VAT1L: variants seen among roughly 807,000 people sequenced by gnomAD.
VAT1L encodes vesicle amine transport 1 like.
In VAT1L, 34 loss-of-function variants were observed where a neutral mutation model predicts 44.1. That is an observed-to-expected ratio of 0.77 (90% CI 0.59 to 1.03). The LOEUF (loss-of-function observed/expected upper bound fraction) is 1.03, where lower values mean the gene tolerates loss of function less well. Among genes scored for constraint, VAT1L ranks in the 50% least tolerant of loss-of-function variants. The pLI, the probability that VAT1L is intolerant of heterozygous loss-of-function variation, is 0.00. For missense variants in VAT1L, 615 were observed against 538.8 expected, an observed-to-expected ratio of 1.14 and a Z score of -1.40; for synonymous variants, 253 against 202.2, an observed-to-expected ratio of 1.25 and a Z score of -2.13.
At chr16:77,977,026 C>T (rs2018348338) in intron 8 of VAT1L, among the ~76,000 whole-genome samples, 1 of 152,194 alleles carries the variant, frequency 6.6e-6, no homozygotes, top group African/African-American at 2.4e-5. Flanking sequence ...CCCCTCACAC[C>T]TCCCCTTGGC....
At chr16:77,901,153 C>CTTT (rs538577571) in intron 7 of VAT1L, among the ~76,000 whole-genome samples, 1,106 of 89,988 alleles carry the variant, frequency 0.012, 102 homozygotes, top group African/African-American at 0.051. Context: ...AGTAGTTTAC[C>CTTT]TTTTTTTTTT....
At chr16:77,827,285 A>G (rs934514453) in intron 3 of VAT1L, among the ~76,000 whole-genome samples, 10 of 152,234 alleles carry the variant, frequency 6.6e-5, no homozygotes, top group African/African-American at 2.2e-4. Context: ...TAGTCATACT[A>G]TCAGCATAAG....
intron 6 of VAT1L, among the ~76,000 whole-genome samples, chr16:77,880,428 G>A (rs1217174841): frequency 1.3e-5 from 2 of 151,880 alleles, no homozygotes; most frequent in East Asian, 1.9e-4. Context: ...CCAAAGTGCT[G>A]GAATTATAGG....
chr16:77,915,538 A>G (rs915342197), intron 7 of VAT1L, among the ~76,000 whole-genome samples: 9 of 151,864 alleles, frequency 5.9e-5, no homozygotes, highest in Non-Finnish European at 7.4e-5. Flanking sequence ...GAGTTGGTCT[A>G]CCTATTTGTG....
At chr16:77,843,738 G>A (rs1289254639) in intron 3 of VAT1L, among the ~76,000 whole-genome samples, 1 of 152,196 alleles carries the variant, frequency 6.6e-6, no homozygotes, top group East Asian at 1.9e-4. Flanking sequence ...CCCTGTCCCT[G>A]ATACAAACTG....
chr16:77,882,979 C>T (rs1391320053), intron 6 of VAT1L, among the ~76,000 whole-genome samples: 6 of 152,144 alleles, frequency 3.9e-5, no homozygotes, highest in Admixed American at 6.5e-5. Context: ...ATTGGTCCCC[C>T]GGCCCTCTCC....
chr16:77,826,195 A>T (rs1425586999), intron 3 of VAT1L, among the ~76,000 whole-genome samples: 1 of 126,304 alleles, frequency 7.9e-6, no homozygotes, highest in East Asian at 2.3e-4. Flanking sequence ...CGACAGAGCG[A>T]GACTCCGTCT....
At chr16:77,965,882 A>G (rs559664687) in intron 7 of VAT1L, among the ~76,000 whole-genome samples, 6 of 152,144 alleles carry the variant, frequency 3.9e-5, no homozygotes, top group African/African-American at 1.4e-4. Context: ...TGCACTATGG[A>G]CTCTGAGGTA....
chr16:77,955,027 C>T (rs555398858), intron 7 of VAT1L, among the ~76,000 whole-genome samples: 2 of 152,126 alleles, frequency 1.3e-5, no homozygotes, highest in East Asian at 3.9e-4. Context: ...AATCAGAGAC[C>T]ATATTGTGTT....
intron 7 of VAT1L, among the ~76,000 whole-genome samples, chr16:77,949,037 A>C (rs1265310286): frequency 2.0e-5 from 3 of 152,224 alleles, no homozygotes; most frequent in Non-Finnish European, 2.9e-5. Flanking sequence ...AAGATCTATC[A>C]GTAATCTGTA....
chr16:77,909,270 T>A (rs910398821), intron 7 of VAT1L, among the ~76,000 whole-genome samples: 2 of 152,218 alleles, frequency 1.3e-5, no homozygotes, highest in African/African-American at 2.4e-5. Context: ...TGATATTCTG[T>A]CATAAGCTAT....
intron 4 of VAT1L, among the ~76,000 whole-genome samples, chr16:77,866,856 T>G (rs1597074334): frequency 6.6e-6 from 1 of 152,152 alleles, no homozygotes; most frequent in African/African-American, 2.4e-5. Context: ...TGTACCTAAC[T>G]GCAAGGGCTT....
chr16:77,953,588 T>A (rs1320262310), intron 7 of VAT1L, among the ~76,000 whole-genome samples: 1 of 152,194 alleles, frequency 6.6e-6, no homozygotes. Context: ...TCACCCAGGC[T>A]GGAGCACAGT....
At chr16:77,923,778 C>T (rs1213878151) in intron 7 of VAT1L, among the ~76,000 whole-genome samples, 1 of 152,166 alleles carries the variant, frequency 6.6e-6, no homozygotes, top group Non-Finnish European at 1.5e-5. Flanking sequence ...CTTCACTACA[C>T]TGGGGAGAGA....
intron 3 of VAT1L, among the ~76,000 whole-genome samples, chr16:77,834,359 C>T (rs1213217300): frequency 6.6e-6 from 1 of 152,202 alleles, no homozygotes; most frequent in Non-Finnish European, 1.5e-5. Flanking sequence ...GCTGCCCAGC[C>T]AGAGACTGCA....
intron 7 of VAT1L, among the ~76,000 whole-genome samples, chr16:77,945,797 C>CTTTTTTTTTTTTTTTTTTTTTTTT (rs58436423): frequency 7.1e-6 from 1 of 141,172 alleles, no homozygotes; most frequent in African/African-American, 2.6e-5. Flanking sequence ...AGTGGCTTGA[C>CTTTTTTTTTTTTTTTTTTTTTTTT]TTTTTTTTTT....
chr16:77,876,551 G>A (rs530868629), intron 5 of VAT1L, 78 bp downstream of exon 5: 2,301 of 1,298,364 alleles, frequency 1.8e-3, no homozygotes, highest in Non-Finnish European at 2.2e-3. Flanking sequence ...TCTGAAAAGT[G>A]AATTGTGCTG....
Position 77,898,066 on chromosome 16 carries a change from A to C in VAT1L, c.1077+13264A>C, listed in dbSNP as rs147727058. On this transcript the variant is annotated intron_variant, in intron 7 of 8. Coordinates refer to ENST00000302536, the MANE Select transcript of VAT1L (RefSeq NM_020927.3). ...GGAATCTGTCTCATGCATCTCTCTTAGGTCTGGCAATCTTTGGCATTCTTT... is the reference window on the plus strand; with the variant it reads ...GGAATCTGTCTCATGCATCTCTCTTCGGTCTGGCAATCTTTGGCATTCTTT... Among the ~76,000 whole-genome samples the C allele has an allele frequency of 5.3e-5, 8 of 152,202 alleles. No homozygotes were observed. The East Asian group carries it at 1.4e-3, about 26-fold the overall frequency.
chr16:77,928,870 G>T (rs1257591647), intron 7 of VAT1L, among the ~76,000 whole-genome samples: 1 of 152,056 alleles, frequency 6.6e-6, no homozygotes, highest in Non-Finnish European at 1.5e-5. Context: ...AGGCTGGAGT[G>T]CAGTGGTGCA....
Sources: gnomAD v4.1 joint callset for allele counts (sites outside exome capture counted in the v4.1 genomes callset) on GRCh38, gnomAD v4.1.1 for gene constraint, MANE v1.5 for transcripts, NCBI Gene and HGNC (gene_info 2026-07-23, HGNC 2026-07-21) for gene names.